The following ARHGAP15 variants were observed in gnomAD, a reference collection of about 807,000 sequenced individuals.
The protein encoded by ARHGAP15 is Rho GTPase activating protein 15.
Under a neutral mutation model 63.7 loss-of-function variants are expected in ARHGAP15, and 51 were observed. The ratio of observed to expected loss-of-function variants is 0.80; its 90% CI spans 0.64 to 1.01. ARHGAP15 has a LOEUF of 1.01. ARHGAP15 is among the 50% of genes least tolerant of loss of function. The pLI is 0.00. For missense variants in ARHGAP15, 560 were observed against 564.6 expected (o/e 0.99, Z 0.08); for synonymous variants, 191 against 193.8 (o/e 0.99, Z 0.12).
intron 10 of ARHGAP15, among the ~76,000 whole-genome samples, chr2:143,542,668 G>T (rs930838189): frequency 1.0e-4 from 14 of 133,958 alleles, no homozygotes; most frequent in East Asian, 4.2e-4. Flanking sequence ...TTATATATAT[G>T]ATATATATGA....
chr2:143,412,306 G>A (rs372500145), intron 6 of ARHGAP15, among the ~76,000 whole-genome samples: 2 of 152,110 alleles, frequency 1.3e-5, no homozygotes, highest in African/African-American at 2.4e-5. Flanking sequence ...ATAATAGTAC[G>A]AAGGGAAGCG....
intron 6 of ARHGAP15, among the ~76,000 whole-genome samples, chr2:143,309,888 G>A (rs1400050791): frequency 2.6e-5 from 4 of 151,868 alleles, no homozygotes; most frequent in Non-Finnish European, 5.9e-5. Context: ...GTGTGTGTGT[G>A]TGTGTGTATA....
At chr2:143,630,439 G>C (rs1249367864) in intron 12 of ARHGAP15, among the ~76,000 whole-genome samples, 1 of 152,008 alleles carries the variant, frequency 6.6e-6, no homozygotes, top group Admixed American at 6.6e-5. Flanking sequence ...AAGAAGTTAG[G>C]ATGAAAAGCA....
intron 13 of ARHGAP15, 100 bp downstream of exon 13, chr2:143,703,624 C>A (rs1367014792): frequency 3.5e-6 from 3 of 852,862 alleles, no homozygotes; most frequent in East Asian, 2.7e-5. Context: ...CAAATGCGTA[C>A]ATCTCGTATT....
At chr2:143,692,445 C>G (rs965978990) in intron 12 of ARHGAP15, among the ~76,000 whole-genome samples, 1 of 152,156 alleles carries the variant, frequency 6.6e-6, no homozygotes, top group South Asian at 2.1e-4. Flanking sequence ...AGGAGGAAAC[C>G]CAAGGCAGCA....
At chr2:143,393,827 G>A (rs1246040661) in intron 6 of ARHGAP15, among the ~76,000 whole-genome samples, 3 of 148,280 alleles carry the variant, frequency 2.0e-5, no homozygotes, top group Non-Finnish European at 3.0e-5. Flanking sequence ...AATTAAAACA[G>A]AAACACTTCA....
At chr2:143,328,711 T>A (rs1007145115) in intron 6 of ARHGAP15, among the ~76,000 whole-genome samples, 1 of 152,168 alleles carries the variant, frequency 6.6e-6, no homozygotes, top group Non-Finnish European at 1.5e-5. Flanking sequence ...TCTGCACGTG[T>A]ATCCCAGAAC....
intron 4 of ARHGAP15, among the ~76,000 whole-genome samples, chr2:143,227,580 G>A (rs1693259471): frequency 6.6e-6 from 1 of 152,170 alleles, no homozygotes; most frequent in African/African-American, 2.4e-5. Context: ...TTAATAATCA[G>A]AAGGAGTGTA....
intron 6 of ARHGAP15, among the ~76,000 whole-genome samples, chr2:143,413,966 T>TGTGTGTGTGTGTGTGTGTGTGCGC: frequency 1.7e-5 from 2 of 117,910 alleles, no homozygotes; most frequent in African/African-American, 7.1e-5. Flanking sequence ...TGTGTGTGTG[T>TGTGTGTGTGTGTGTGTGTGTGCGC]GCGCGCTCTC....
rs554583011 is a variant in ARHGAP15, at chr2:143,578,243, CA to C, written c.1003+21759del. Reference sequence around the variant, plus strand: ...TTTGAAATGTTTTAGGAGCAAAAACCACATGCTTTCAAGGTCTTTTAGGCAA... The same window carrying C: ...TTTGAAATGTTTTAGGAGCAAAAACCCATGCTTTCAAGGTCTTTTAGGCAA... On this transcript the variant is annotated intron_variant, in intron 11 of 13. Coordinates refer to ENST00000295095, the MANE Select transcript of ARHGAP15 (RefSeq NM_018460.4). Among the ~76,000 whole-genome samples the C allele has an allele frequency of 2.4e-4, 36 of 150,984 alleles. No homozygotes were observed. In the East Asian group the frequency reaches 6.6e-3, roughly 28 times the overall value.
intron 6 of ARHGAP15, among the ~76,000 whole-genome samples, chr2:143,305,909 A>T (rs1022941496): frequency 3.9e-5 from 6 of 152,126 alleles, no homozygotes; most frequent in Non-Finnish European, 5.9e-5. Context: ...CAATCAAATA[A>T]AACTAGTTAA....
intron 13 of ARHGAP15, among the ~76,000 whole-genome samples, chr2:143,725,245 A>G (rs1353367779): frequency 6.6e-6 from 1 of 152,240 alleles, no homozygotes; most frequent in Non-Finnish European, 1.5e-5. Context: ...TCTTAAGGAC[A>G]CAGCAGTCAA....
intron 2 of ARHGAP15, among the ~76,000 whole-genome samples, chr2:143,200,997 C>T (rs1692092305): frequency 6.6e-6 from 1 of 152,104 alleles, no homozygotes; most frequent in Non-Finnish European, 1.5e-5. Context: ...AGATGAAGCA[C>T]AACAGGAATA....
At chr2:143,341,511 C>T (rs1685055977) in intron 6 of ARHGAP15, among the ~76,000 whole-genome samples, 1 of 152,028 alleles carries the variant, frequency 6.6e-6, no homozygotes, top group Non-Finnish European at 1.5e-5. Context: ...TCTGTTTGTC[C>T]CAGCTTCAGA....
chr2:143,353,186 G>A (rs983604339), intron 6 of ARHGAP15, among the ~76,000 whole-genome samples: 6 of 152,092 alleles, frequency 3.9e-5, no homozygotes, highest in South Asian at 2.1e-4. Context: ...CAGCTACACC[G>A]GAGGCTGAGT....
intron 6 of ARHGAP15, among the ~76,000 whole-genome samples, chr2:143,339,637 C>T (rs1684966267): frequency 6.6e-6 from 1 of 152,134 alleles, no homozygotes; most frequent in Admixed American, 6.6e-5. Context: ...CCCATGTCAT[C>T]AAATGTGAAA....
intron 8 of ARHGAP15, among the ~76,000 whole-genome samples, chr2:143,465,444 T>A (rs1396333948): frequency 1.3e-5 from 2 of 152,180 alleles, no homozygotes; most frequent in Non-Finnish European, 2.9e-5. Context: ...ATCTTTACAT[T>A]TAAATATTAC....
intron 2 of ARHGAP15, among the ~76,000 whole-genome samples, chr2:143,188,459 C>T (rs576266872): frequency 1.7e-4 from 26 of 151,772 alleles, no homozygotes; most frequent in African/African-American, 6.3e-4. Context: ...TAATGTAGTG[C>T]CTCCTTTTAA....
At chr2:143,723,923 T>C (rs1010696633) in intron 13 of ARHGAP15, among the ~76,000 whole-genome samples, 26 of 152,168 alleles carry the variant, frequency 1.7e-4, no homozygotes, top group African/African-American at 5.8e-4. Context: ...GTTAAGAGAA[T>C]CTAAAGAACT....
Sources: allele counts gnomAD v4.1 joint callset (sites outside exome capture counted in the v4.1 genomes callset), GRCh38; gene constraint gnomAD v4.1.1; transcripts MANE v1.5; gene names NCBI Gene and HGNC (gene_info 2026-07-23, HGNC 2026-07-21).